The following CDK14 variants were observed in gnomAD, a reference collection of about 807,000 sequenced individuals.
The protein encoded by CDK14 is cyclin dependent kinase 14.
Under a neutral mutation model 60.7 loss-of-function variants are expected in CDK14, and 34 were observed. That is an observed-to-expected ratio of 0.56 (90% CI 0.43 to 0.75). The LOEUF (loss-of-function observed/expected upper bound fraction) is 0.75. Ranked by LOEUF, CDK14 falls within the 30% of genes least tolerant of loss-of-function variation. The probability of loss-of-function intolerance (pLI) is 0.00; values close to 1 mark genes in which losing one functional copy is unlikely to be tolerated. For synonymous variants in CDK14, 197 were observed against 203.7 expected (o/e 0.97, Z 0.28); for missense variants, 482 against 564.1 (o/e 0.85, Z 1.47).
intron 2 of CDK14, among the ~76,000 whole-genome samples, chr7:90,638,031 C>T (rs564464251): frequency 5.4e-5 from 8 of 148,324 alleles, no homozygotes; most frequent in Non-Finnish European, 5.9e-5. Flanking sequence ...TGTCTCTGAA[C>T]GTGAGATGGG....
chr7:90,623,944 C>T (rs556471201), intron 2 of CDK14, among the ~76,000 whole-genome samples: 1 of 152,232 alleles, frequency 6.6e-6, no homozygotes, highest in Admixed American at 6.5e-5. Context: ...CCCTGAAACC[C>T]CTTTTCATGC....
At chr7:90,661,266 T>C (rs943043837) in intron 2 of CDK14, among the ~76,000 whole-genome samples, 5 of 152,208 alleles carry the variant, frequency 3.3e-5, no homozygotes, top group Non-Finnish European at 7.4e-5. Flanking sequence ...ATTGCTGCCC[T>C]TTTTTCTAGC....
intron 4 of CDK14, among the ~76,000 whole-genome samples, chr7:90,756,115 C>G (rs1160956483): frequency 6.6e-6 from 1 of 152,226 alleles, no homozygotes; most frequent in Admixed American, 6.5e-5. Context: ...CTAATCAGTA[C>G]ACCATTACTG....
chr7:90,701,779 G>A (rs1801792331), intron 2 of CDK14, among the ~76,000 whole-genome samples: 1 of 152,144 alleles, frequency 6.6e-6, no homozygotes, highest in Non-Finnish European at 1.5e-5. Flanking sequence ...GAACAACTGC[G>A]CTTTAGAAAG....
At chr7:90,772,879 T>C (rs1804847643) in intron 4 of CDK14, among the ~76,000 whole-genome samples, 1 of 152,198 alleles carries the variant, frequency 6.6e-6, no homozygotes, top group African/African-American at 2.4e-5. Flanking sequence ...TAGAATGTTG[T>C]TCTTGGGAAA....
rs71733271 is a variant in CDK14, at chr7:91,209,393, G to GTCTC, written c.*2267_*2270dup. ...CCATACAGGAAATCCAAAGTTTGGT[G>GTCTC]TCTCTCTCTCTCTGTCTCTTTCTTT... On this transcript the variant is annotated 3_prime_UTR_variant, in exon 15 of 15. Coordinates refer to ENST00000380050, the MANE Select transcript of CDK14 (RefSeq NM_001287135.2). 0.058 allele frequency: 8,649 copies of GTCTC among 149,310 alleles called. 309 individuals are homozygous for GTCTC. Among genetic ancestry groups the GTCTC allele is most frequent in the Middle Eastern group, 0.13 (38 of 290 alleles). 9.2% of individuals were successfully genotyped at this position (149,310 alleles called of 1,614,324 possible). A position where few individuals can be genotyped will look rare whatever the true frequency, so the allele number is the denominator to read the frequency against.
chr7:90,782,341 A>G (rs1044532945), intron 4 of CDK14, among the ~76,000 whole-genome samples: 5 of 152,130 alleles, frequency 3.3e-5, no homozygotes, highest in African/African-American at 9.7e-5. Flanking sequence ...TTTTCTAGAT[A>G]TACAATCATG....
At chr7:90,988,403 T>C (rs1287507792) in intron 10 of CDK14, among the ~76,000 whole-genome samples, 1 of 152,180 alleles carries the variant, frequency 6.6e-6, no homozygotes, top group Non-Finnish European at 1.5e-5. Context: ...AGGCACCTAA[T>C]TCTCCAAGCA....
intron 2 of CDK14, among the ~76,000 whole-genome samples, chr7:90,659,857 C>A (rs1800828467): frequency 6.8e-6 from 1 of 147,220 alleles, no homozygotes; most frequent in African/African-American, 2.6e-5. Context: ...CTCTCTCTCT[C>A]TCTCTCTCTC....
chr7:90,713,055 C>T (rs1802123229), intron 2 of CDK14, among the ~76,000 whole-genome samples: 1 of 152,098 alleles, frequency 6.6e-6, no homozygotes, highest in Non-Finnish European at 1.5e-5. Context: ...CCCAAGTATC[C>T]TCTGAGTTTG....
chr7:90,609,114 C>T (rs904386947), intron 2 of CDK14, among the ~76,000 whole-genome samples: 7 of 152,158 alleles, frequency 4.6e-5, no homozygotes, highest in Non-Finnish European at 7.3e-5. Context: ...GCAGCCTCCA[C>T]CTCCAAGGCC....
rs181122937 is a variant in CDK14, at chr7:91,139,747, A to G, written c.*28+21539A>G. ...TTCTTTACTAGGGAGAGATCAGGAAACAATTCAGAACTTTTCTTTTCTTTT... is the reference window on the plus strand; with the variant it reads ...TTCTTTACTAGGGAGAGATCAGGAAGCAATTCAGAACTTTTCTTTTCTTTT... On this transcript the variant is annotated intron_variant, in intron 14 of 14. Transcript: ENST00000380050. 2.5e-4 allele frequency among the ~76,000 whole-genome samples: 38 copies of G among 151,570 alleles called. No homozygotes were observed. The East Asian group carries it at 6.8e-3, about 27-fold the overall frequency.
At chr7:90,826,248 C>T (rs1789718531) in intron 5 of CDK14, among the ~76,000 whole-genome samples, 1 of 152,272 alleles carries the variant, frequency 6.6e-6, no homozygotes, top group Non-Finnish European at 1.5e-5. Context: ...GATGGAGTCT[C>T]ACTCCTGTTA....
Position 91,043,205 on chromosome 7 carries a change from A to C in CDK14, c.1042-2692A>C, listed in dbSNP as rs570307221. On this transcript the variant is annotated intron_variant, in intron 10 of 14. Coordinates refer to ENST00000380050, the MANE Select transcript of CDK14 (RefSeq NM_001287135.2). Reference sequence around the variant, plus strand: ...GGATATGGATGAGGATAATGCCTACAAAAAAGTTTTGCTAACGCAAGCATT... The same window carrying C: ...GGATATGGATGAGGATAATGCCTACCAAAAAGTTTTGCTAACGCAAGCATT... 1.0e-3 allele frequency among the ~76,000 whole-genome samples: 153 copies of C among 152,368 alleles called. 1 individual carries two copies. Among genetic ancestry groups the C allele is most frequent in the African/African-American group, 3.5e-3 (147 of 41,590 alleles).
intron 2 of CDK14, among the ~76,000 whole-genome samples, chr7:90,628,031 T>C (rs1799911448): frequency 6.6e-6 from 1 of 152,224 alleles, no homozygotes; most frequent in African/African-American, 2.4e-5. Flanking sequence ...CATGGCTCAC[T>C]ACGGCCTTGA....
chr7:90,759,979 G>A (rs1046089765), intron 4 of CDK14, among the ~76,000 whole-genome samples: 8 of 152,136 alleles, frequency 5.3e-5, no homozygotes, highest in Non-Finnish European at 8.8e-5. Flanking sequence ...GCCATAAATT[G>A]TTATCTCAGA....
intron 3 of CDK14, among the ~76,000 whole-genome samples, chr7:90,728,675 G>C (rs1472078995): frequency 6.6e-6 from 1 of 151,642 alleles, no homozygotes; most frequent in Non-Finnish European, 1.5e-5. Context: ...TATTTGTTTT[G>C]GTCTCTGCCT....
At chr7:90,926,020 G>T (rs527569419) in intron 8 of CDK14, among the ~76,000 whole-genome samples, 1 of 152,240 alleles carries the variant, frequency 6.6e-6, no homozygotes, top group African/African-American at 2.4e-5. Context: ...TTGGGCCAGA[G>T]ATGGAAAATA....
chr7:90,929,453 A>T (rs1793524504), intron 8 of CDK14, among the ~76,000 whole-genome samples: 1 of 152,208 alleles, frequency 6.6e-6, no homozygotes, highest in Non-Finnish European at 1.5e-5. Flanking sequence ...GGACGATTTT[A>T]AAAATAGTTC....
Sources: allele counts gnomAD v4.1 joint callset (sites outside exome capture counted in the v4.1 genomes callset), GRCh38; gene constraint gnomAD v4.1.1; transcripts MANE v1.5; gene names NCBI Gene and HGNC (gene_info 2026-07-23, HGNC 2026-07-21).